PKD2: variants seen among roughly 807,000 people sequenced by gnomAD.
PKD2 encodes the protein polycystin 2, transient receptor potential cation channel.
A neutral mutation model predicts 105.9 loss-of-function variants in PKD2; 48 were observed. The ratio of observed to expected loss-of-function variants is 0.45; its 90% confidence interval spans 0.36 to 0.58. The LOEUF (loss-of-function observed/expected upper bound fraction) is 0.58. PKD2 is among the 20% of genes least tolerant of loss of function. The probability of loss-of-function intolerance (pLI) is 0.00; values close to 1 mark genes in which losing one functional copy is unlikely to be tolerated. For synonymous variants in PKD2, 464 were observed against 481.1 expected (o/e 0.96, Z 0.46); for missense variants, 1,078 against 1,255.3 (o/e 0.86, Z 2.13).
At chr4:88,027,845 CCTCT>C (rs1448309930) in intron 2 of PKD2, among the ~76,000 whole-genome samples, 1 of 152,136 alleles carries the variant, frequency 6.6e-6, no homozygotes, top group Non-Finnish European at 1.5e-5. Flanking sequence ...CCCCCTTTTC[CCTCT>C]CTCTCCTACT....
At chr4:88,045,087 T>A (rs1312515840) in intron 5 of PKD2, among the ~76,000 whole-genome samples, 1 of 152,176 alleles carries the variant, frequency 6.6e-6, no homozygotes, top group African/African-American at 2.4e-5. Context: ...TTATAGAAGG[T>A]CTTGAGTATT....
intron 2 of PKD2, among the ~76,000 whole-genome samples, chr4:88,026,061 G>T (rs993869838): frequency 6.7e-6 from 1 of 149,480 alleles, no homozygotes; most frequent in South Asian, 2.3e-4. Flanking sequence ...CAGGAGTGGG[G>T]TACTGCTATA....
intron 9 of PKD2, among the ~76,000 whole-genome samples, chr4:88,058,379 A>C (rs1345266057): frequency 6.6e-6 from 1 of 152,148 alleles, no homozygotes. Context: ...TTCTCTCTCT[A>C]TATATGTATC....
intron 2 of PKD2, 93 bp downstream of exon 2, chr4:88,019,664 G>T: frequency 1.3e-6 from 1 of 749,166 alleles, no homozygotes; most frequent in Non-Finnish European, 2.4e-6. Flanking sequence ...ATGCACCAGA[G>T]GGGCAACTGG....
At chr4:88,059,745 G>GTACGTACA (rs140132578) in intron 9 of PKD2, among the ~76,000 whole-genome samples, 14 of 150,226 alleles carry the variant, frequency 9.3e-5, no homozygotes, top group Admixed American at 5.3e-4. Context: ...ACATACATAC[G>GTACGTACA]TACATACATA....
chr4:88,064,293 G>A (rs906840190), intron 10 of PKD2, among the ~76,000 whole-genome samples: 3 of 152,180 alleles, frequency 2.0e-5, no homozygotes, highest in African/African-American at 7.2e-5. Flanking sequence ...AACAAGGCAA[G>A]TGCTGTTTAA....
At chr4:88,038,744 AC>A (rs1727436230) in intron 4 of PKD2, among the ~76,000 whole-genome samples, 1 of 152,024 alleles carries the variant, frequency 6.6e-6, no homozygotes, top group South Asian at 2.1e-4. Flanking sequence ...TGACCATATA[AC>A]CCCTCAAAAA....
chr4:88,041,641 T>C (rs1310891900), intron 4 of PKD2, among the ~76,000 whole-genome samples: 1 of 152,218 alleles, frequency 6.6e-6, no homozygotes, highest in Admixed American at 6.5e-5. Flanking sequence ...GGGTGTTCAC[T>C]GGGTACTGGT....
rs1401092582 is a variant in PKD2, at chr4:88,056,266, A to T, written c.1897A>T (p.Ile633Phe). ...TGACTTCAGTACTTTCCAAGAGTGTATGTAAGTATATATGAAATTAAGAAG... is the reference window on the plus strand; with the variant it reads ...TGACTTCAGTACTTTCCAAGAGTGTTTGTAAGTATATATGAAATTAAGAAG... ...VDDFSTFQEC[I>F]FTQFRIILGD... The change falls in exon 8 of 15, where the codon ATC (isoleucine) becomes TTC (phenylalanine). Residue 633 changes from isoleucine (I) to phenylalanine (F), a missense_variant and splice_region_variant. Ile to Phe is a conservative substitution (Grantham distance 21, BLOSUM62 0). Coordinates refer to ENST00000237596, the MANE Select transcript of PKD2 (RefSeq NM_000297.4). The T allele has an allele frequency of 1.9e-6, 3 of 1,595,920 alleles. No individual in the cohort carries two copies. Among genetic ancestry groups the T allele is most frequent in the Non-Finnish European group, 2.6e-6 (3 of 1,164,674 alleles).
chr4:88,065,590 A>G (rs1720761471), intron 11 of PKD2, 95 bp downstream of exon 11: 2 of 1,310,884 alleles, frequency 1.5e-6, no homozygotes, highest in Admixed American at 1.8e-5. Flanking sequence ...GCTCATACAG[A>G]TACTTTTTTT....
At chr4:88,051,296 T>A (rs565631424) in intron 6 of PKD2, among the ~76,000 whole-genome samples, 1 of 152,360 alleles carries the variant, frequency 6.6e-6, no homozygotes, top group Admixed American at 6.5e-5. Context: ...GCTCATGCTT[T>A]GTTCTCATGG....
intron 8 of PKD2, among the ~76,000 whole-genome samples, 191 bp downstream of exon 8, chr4:88,056,458 A>G (rs1720333476): frequency 1.3e-5 from 2 of 152,240 alleles, no homozygotes; most frequent in Admixed American, 1.3e-4. Flanking sequence ...TGAAATGCTG[A>G]TGCTTAAGAT....
Position 88,067,919 on chromosome 4 carries a change from A to T in PKD2, c.2380A>T (p.Ser794Cys). The T allele has an allele frequency of 6.2e-7, 1 of 1,613,980 alleles. No homozygotes were observed. Among genetic ancestry groups the T allele is most frequent in the Non-Finnish European group, 8.5e-7 (1 of 1,179,968 alleles). The change falls in exon 13 of 15, where the codon AGT (serine) becomes TGT (cysteine). Residue 794 changes from serine (S) to cysteine (C), a missense_variant. This residue lies in a region of PKD2 where 868 missense variants were observed against 1,067.3 expected (regional missense o/e 0.81). Transcript: ENST00000237596. ...TCAGGAGGACCTGGATTTGGATCAC[A>T]GTTCTTTACCACGTCCCATGAGCAG... ...KEREDLDLDH[S>C]SLPRPMSSRS...
In PKD2 at chr4:88,056,143, C is replaced by T. The variant is rs1553926905; in HGVS notation, c.1774C>T (p.Arg592Ter). The change falls in exon 8 of 15, where the codon CGA (arginine) becomes TGA (stop). Residue 592 changes from arginine (R) to a stop codon, truncating the protein, a stop_gained. Coordinates refer to ENST00000237596, the MANE Select transcript of PKD2 (RefSeq NM_000297.4). LOFTEE classifies it high-confidence loss of function. ...TMSQLSTTMSRCAKDLFGFAI... is the reference protein window; with the variant it reads ...TMSQLSTTMS ...GAGCCAGCTCTCGACAACCATGTCT[C>T]GATGTGCCAAAGACCTGTTTGGCTT... 1.2e-6 allele frequency: 2 copies of T among 1,613,408 alleles called. No homozygotes were observed. Among genetic ancestry groups the T allele is most frequent in the Non-Finnish European group, 1.7e-6 (2 of 1,179,388 alleles).
intron 9 of PKD2, among the ~76,000 whole-genome samples, chr4:88,058,614 T>TA (rs1720449772): frequency 6.6e-6 from 1 of 152,196 alleles, no homozygotes; most frequent in Non-Finnish European, 1.5e-5. Flanking sequence ...GTTGAGTGAA[T>TA]CATTGCATGT....
rs534929919 is a variant in PKD2 at position 88,039,220 on chromosome 4, G to A, written c.1094+719G>A. Among the ~76,000 whole-genome samples, 16 of 152,166 alleles carry A rather than the reference G, an allele frequency of 1.1e-4. No individual in the cohort carries two copies. The East Asian group carries it at 2.3e-3, about 22-fold the overall frequency. On this transcript the variant is annotated intron_variant, in intron 4 of 14. Transcript: ENST00000237596. Reference sequence around the variant, plus strand: ...TAAGCTTTGCTCAGCTAATTCTGTCGGTTCATCTAGGTTCTTTTCTTGGAA... The same window carrying A: ...TAAGCTTTGCTCAGCTAATTCTGTCAGTTCATCTAGGTTCTTTTCTTGGAA...
At chr4:88,061,278 AAAT>A (rs1226258020) in intron 9 of PKD2, among the ~76,000 whole-genome samples, 1 of 152,210 alleles carries the variant, frequency 6.6e-6, no homozygotes, top group Non-Finnish European at 1.5e-5. Context: ...AGATAAGCAA[AAAT>A]AATATTAAAT....
At chr4:88,057,108 G>C (rs1720377286) in intron 8 of PKD2, among the ~76,000 whole-genome samples, 1 of 152,064 alleles carries the variant, frequency 6.6e-6, no homozygotes, top group South Asian at 2.1e-4. Context: ...TGCTGCCTCA[G>C]CCTGCTGAGT....
At chr4:88,055,908 A>G (rs1410455605) in intron 7 of PKD2, among the ~76,000 whole-genome samples, 178 bp from the exon 8 acceptor site, 1 of 152,194 alleles carries the variant, frequency 6.6e-6, no homozygotes, top group African/African-American at 2.4e-5. Context: ...AAGTGGAATC[A>G]TACAGTATTT....
Sources: allele counts gnomAD v4.1 joint callset (sites outside exome capture counted in the v4.1 genomes callset), GRCh38; gene constraint gnomAD v4.1.1; regional missense constraint gnomAD v4.1.1; transcripts MANE v1.5; gene names NCBI Gene and HGNC (gene_info 2026-07-23, HGNC 2026-07-21).